The following ODF2 variants were observed in gnomAD, a reference collection of about 807,000 sequenced individuals.
ODF2 encodes the protein outer dense fiber protein 2.
ODF2 carries 47 observed loss-of-function variants against 110.2 expected under a neutral mutation model. The ratio of observed to expected loss-of-function variants is 0.43; its 90% CI spans 0.34 to 0.54. ODF2 has a LOEUF of 0.54. Ranked by LOEUF, ODF2 falls within the 20% of genes least tolerant of loss-of-function variation. ODF2 has a pLI of 0.03. For missense variants in ODF2, 812 were observed against 1,054.5 expected (o/e 0.77, Z 3.19); for synonymous variants, 352 against 397.7 (o/e 0.89, Z 1.37).
intron 4 of ODF2, chr9:128,468,840 T>A (rs1838981264): frequency 4.6e-6 from 1 of 215,346 alleles, no homozygotes; most frequent in African/African-American, 2.3e-5. Flanking sequence ...TTCTTTTACT[T>A]TTATAGAGAC....
At chr9:128,469,455 C>G in intron 5 of ODF2, 102 bp downstream of exon 5, 8 of 1,227,550 alleles carry the variant, frequency 6.5e-6, no homozygotes, top group Non-Finnish European at 8.3e-6. Flanking sequence ...TGCAGGCCTT[C>G]AGGCCTCCTC....
chr9:128,482,344 A>T (rs996810663), intron 9 of ODF2, among the ~76,000 whole-genome samples: 1 of 152,208 alleles, frequency 6.6e-6, no homozygotes, highest in Non-Finnish European at 1.5e-5. Context: ...CAGCTCAAGA[A>T]CCCTTGTTAA....
intron 2 of ODF2, chr9:128,457,553 A>G (rs1027654929): frequency 2.1e-5 from 28 of 1,338,326 alleles, no homozygotes; most frequent in Non-Finnish European, 2.8e-5. Flanking sequence ...GAAAGTCTGG[A>G]CCAAAACGTT....
At chr9:128,470,801 A>G (rs186216165) in intron 5 of ODF2, among the ~76,000 whole-genome samples, 9 of 152,210 alleles carry the variant, frequency 5.9e-5, no homozygotes, top group Non-Finnish European at 1.3e-4. Context: ...AAAGAAAATC[A>G]GCATCTCCCA....
At position 128,483,816 on chromosome 9, in the gene ODF2, G is replaced by T. The variant is rs973225093; in HGVS notation, c.988-122G>T. ...CGGGAGAATCGCTGGAGCCCAAGAG[G>T]TGGAGGTTGCAGTGAGCTGAGATTG... On this transcript the variant is annotated intron_variant, in intron 10 of 20. Coordinates refer to ENST00000604420, the Ensembl canonical transcript of ODF2. 18 of 736,814 alleles carry T rather than the reference G, an allele frequency of 2.4e-5. No homozygotes were observed. In the African/African-American group the frequency reaches 2.6e-4, roughly 11 times the overall value. 45.6% of individuals were successfully genotyped at this position (736,814 alleles called of 1,614,324 possible).
chr9:128,474,110 A>G (rs1191793472), intron 8 of ODF2, among the ~76,000 whole-genome samples: 2 of 152,128 alleles, frequency 1.3e-5, no homozygotes, highest in African/African-American at 4.8e-5. Flanking sequence ...TTCTTAAAAT[A>G]TGTTCTCTGA....
Position 128,496,073 on chromosome 9 carries a change from G to A in ODF2, c.1944G>A (p.Ala648=), listed in dbSNP as rs138553212. 4.1e-3 allele frequency: 6,672 copies of A among 1,613,934 alleles called. 18 individuals are homozygous for A. The highest frequency in any genetic ancestry group is 5.1e-3 in the Non-Finnish European group (6,029 of 1,180,008). ...ACCAGGGGGACAAGCTGGAGATGGC[G>A]AGAGAGAAACATCAGGCTTCCCAGA... Residue 648 remains alanine, a synonymous_variant, in exon 18 of 21, where the codon GCG becomes GCA. Coordinates refer to ENST00000604420, the Ensembl canonical transcript of ODF2.
At chr9:128,480,352 A>T (rs1168060944) in intron 8 of ODF2, among the ~76,000 whole-genome samples, 1 of 152,242 alleles carries the variant, frequency 6.6e-6, no homozygotes, top group Admixed American at 6.5e-5. Context: ...ACCTCAATCA[A>T]GCTGATTAAC....
chr9:128,499,204 T>G lies in ODF2; in HGVS notation c.2301+78T>G. ...TGTGGGGCCTGTGGGCCAAGGTGTT[T>G]TGTTGTTACTGTTTTTGTGAATATG... is the stretch of plus-strand genomic sequence containing the variant. On this transcript the variant is annotated intron_variant, in intron 20 of 20. Transcript: ENST00000604420. 2.6e-6 allele frequency: 4 copies of G among 1,559,136 alleles called. 1 individual carries two copies.
intron 14 of ODF2, among the ~76,000 whole-genome samples, chr9:128,490,806 TG>T (rs1452377132): frequency 6.6e-6 from 1 of 152,214 alleles, no homozygotes; most frequent in East Asian, 1.9e-4. Context: ...CTGTTAAGGT[TG>T]GTTTTTTGAG....
At chr9:128,458,135 G>T (rs538136126) in intron 2 of ODF2, among the ~76,000 whole-genome samples, 149 of 1,528 alleles carry the variant, frequency 0.098, no homozygotes, top group African/African-American at 0.11. Context: ...CCCCCTGGTC[G>T]CTCCAGCCTC....
intron 4 of ODF2, among the ~76,000 whole-genome samples, chr9:128,466,636 C>T (rs951623710): frequency 5.2e-5 from 7 of 133,568 alleles, no homozygotes; most frequent in African/African-American, 2.3e-4. Flanking sequence ...TAAGTAGTCA[C>T]ACTTTCCCAT....
chr9:128,490,211 G>T (rs1265710756), intron 14 of ODF2, among the ~76,000 whole-genome samples: 3 of 152,034 alleles, frequency 2.0e-5, no homozygotes, highest in African/African-American at 4.8e-5. Context: ...ATTAGTTATA[G>T]TATGGTGCAT....
chr9:128,462,472 T>C (rs1355081264), intron 4 of ODF2, among the ~76,000 whole-genome samples: 1 of 152,078 alleles, frequency 6.6e-6, no homozygotes, highest in African/African-American at 2.4e-5. Context: ...ACGTTTTTTA[T>C]AGGACTGTGA....
chr9:128,455,658 A>G (rs144583732), upstream of ODF2, among the ~76,000 whole-genome samples: 1,332 of 135,180 alleles, frequency 9.9e-3, 11 homozygotes, highest in Middle Eastern at 0.029. Flanking sequence ...TGGGGCCAAG[A>G]CAGAGGCGAT....
At chr9:128,491,251 G>A (rs929883247) in intron 14 of ODF2, among the ~76,000 whole-genome samples, 7 of 151,952 alleles carry the variant, frequency 4.6e-5, no homozygotes, top group African/African-American at 2.4e-5. Context: ...CACCATATTG[G>A]CCAGGCTGGT....
chr9:128,496,430 G>A, intron 18 of ODF2: 1 of 1,033,174 alleles, frequency 9.7e-7, no homozygotes, highest in Non-Finnish European at 1.3e-6. Flanking sequence ...TGCCAGGAGG[G>A]CCCAGTTTGA....
At chr9:128,456,029 A>T (rs1487101833), upstream of ODF2, 28 of 1,445,910 alleles carry the variant, frequency 1.9e-5, no homozygotes, top group Non-Finnish European at 2.6e-5. Context: ...CATCTCTGTG[A>T]CGCTAGGGGC....
At chr9:128,490,327 G>C (rs1194177024) in intron 14 of ODF2, among the ~76,000 whole-genome samples, 1 of 151,696 alleles carries the variant, frequency 6.6e-6, no homozygotes, top group African/African-American at 2.4e-5. Context: ...CTGTTGCCCA[G>C]GCTGGAGTGA....
Sources: allele counts gnomAD v4.1 joint callset (sites outside exome capture counted in the v4.1 genomes callset), GRCh38; gene constraint gnomAD v4.1.1; transcripts MANE v1.5; gene names NCBI Gene and HGNC (gene_info 2026-07-23, HGNC 2026-07-21).